Variants in WWOX observed in about 807,000 individuals in gnomAD.
The protein encoded by WWOX is WW domain-containing oxidoreductase.
In WWOX, 69 loss-of-function variants were observed where a neutral mutation model predicts 46.2. That is an observed-to-expected ratio of 1.49 (90% CI 1.23 to 1.82). The LOEUF (loss-of-function observed/expected upper bound fraction) is 1.82, where lower values mean the gene tolerates loss of function less well. Among genes scored for constraint, WWOX ranks in the 40% most tolerant of loss-of-function variants. The pLI, the probability that WWOX is intolerant of heterozygous loss-of-function variation, is 0.00. For synonymous variants in WWOX, 359 were observed against 202.6 expected (o/e 1.77, Z -6.56); for missense variants, 919 against 542.6 (o/e 1.69, Z -6.89).
At chr16:78,563,738 T>C (rs1380887423) in intron 8 of WWOX, among the ~76,000 whole-genome samples, 1 of 152,102 alleles carries the variant, frequency 6.6e-6, no homozygotes, top group Non-Finnish European at 1.5e-5. Context: ...TTGGCAGATA[T>C]TAAGTCCACA....
intron 8 of WWOX, among the ~76,000 whole-genome samples, chr16:79,048,309 A>G (rs549835023): frequency 6.6e-6 from 1 of 152,034 alleles, no homozygotes; most frequent in South Asian, 2.1e-4. Flanking sequence ...ATGGAAGCCC[A>G]GGGGCCCCAG....
chr16:78,937,881 C>G (rs1243854018), intron 8 of WWOX, among the ~76,000 whole-genome samples: 2 of 152,134 alleles, frequency 1.3e-5, no homozygotes, highest in African/African-American at 2.4e-5. Context: ...ACCTGCTTCT[C>G]TCTCCCAAAG....
intron 8 of WWOX, chr16:78,895,693 T>C (rs946851534): frequency 1.3e-5 from 2 of 152,226 alleles, no homozygotes; most frequent in Admixed American, 1.3e-4. Context: ...ATCTTGCCCA[T>C]TGATCTTCAA....
At chr16:78,861,655 AG>A in intron 8 of WWOX, among the ~76,000 whole-genome samples, 1 of 152,350 alleles carries the variant, frequency 6.6e-6, no homozygotes, top group East Asian at 1.9e-4. Context: ...CATGAAGTGA[AG>A]GCCCATTTTT....
chr16:78,436,423 A>G (rs1158405235), intron 8 of WWOX, among the ~76,000 whole-genome samples: 1 of 152,208 alleles, frequency 6.6e-6, no homozygotes, highest in Non-Finnish European at 1.5e-5. Flanking sequence ...TGATTAGAAA[A>G]TAGCAGCTTT....
intron 5 of WWOX, among the ~76,000 whole-genome samples, chr16:78,299,748 C>G (rs182256398): frequency 1.3e-5 from 2 of 152,004 alleles, no homozygotes; most frequent in Non-Finnish European, 2.9e-5. Context: ...AGGCTGTTCT[C>G]GAACTCCTGG....
intron 8 of WWOX, among the ~76,000 whole-genome samples, chr16:79,099,326 T>C (rs185671652): frequency 6.6e-6 from 1 of 152,308 alleles, no homozygotes; most frequent in East Asian, 1.9e-4. Flanking sequence ...GACTATGATA[T>C]ATCTTTCACA....
At chr16:78,382,481 CTAAT>C (rs1373951194) in intron 5 of WWOX, among the ~76,000 whole-genome samples, 1 of 152,140 alleles carries the variant, frequency 6.6e-6, no homozygotes, top group African/African-American at 2.4e-5. Flanking sequence ...CTGGGTTATT[CTAAT>C]TAATGGAGAT....
At chr16:78,904,929 C>G (rs567250467) in intron 8 of WWOX, among the ~76,000 whole-genome samples, 5 of 152,148 alleles carry the variant, frequency 3.3e-5, no homozygotes, top group Non-Finnish European at 7.4e-5. Flanking sequence ...CCAGTTGGTG[C>G]CCCTGTTGGT....
At chr16:78,557,689 ATTTTTTTTT>A (rs34068363) in intron 8 of WWOX, among the ~76,000 whole-genome samples, 6 of 96,648 alleles carry the variant, frequency 6.2e-5, no homozygotes, top group Admixed American at 4.5e-4. Flanking sequence ...CTAGGGAAGG[ATTTTTTTTT>A]TTTTTTTTTT....
rs538998868 is a variant in WWOX, at chr16:78,713,110, C to T, written c.1056+280358C>T. ...CATAGGGAGACCCTCATCTCTACAC[C>T]GAATTTAAAAACTTAGCTGGGCATG... On this transcript the variant is annotated intron_variant, in intron 8 of 8. Transcript: ENST00000566780. 9.9e-4 allele frequency among the ~76,000 whole-genome samples: 149 copies of T among 151,252 alleles called. 1 individual carries two copies. The highest frequency in any genetic ancestry group is 3.1e-3 in the African/African-American group (128 of 41,228).
intron 8 of WWOX, among the ~76,000 whole-genome samples, chr16:78,888,932 T>C (rs970026887): frequency 3.3e-5 from 5 of 150,798 alleles, no homozygotes; most frequent in Non-Finnish European, 7.4e-5. Context: ...TTCTCCTTTT[T>C]CCCCAAGCCC....
chr16:78,989,859 TGAGA>T lies in WWOX; in HGVS notation c.1057-221738_1057-221735del, dbSNP rs549582942. ...GTGTGTGTGTGTGTGTGTGTGTGAT[TGAGA>T]GAGAGAGAGACAGATGGAGGGAAAG... On this transcript the variant is annotated intron_variant, in intron 8 of 8. Coordinates refer to ENST00000566780, the MANE Select transcript of WWOX (RefSeq NM_016373.4). Among the ~76,000 whole-genome samples the T allele has an allele frequency of 4.1e-3, 584 of 144,016 alleles. 6 individuals are homozygous for T. Among genetic ancestry groups the T allele is most frequent in the African/African-American group, 0.013 (518 of 38,856 alleles). The allele number at this position is 144,016 out of a possible 152,430, so 94.5% of individuals were successfully genotyped here.
chr16:78,360,708 TA>T (rs1225726225), intron 5 of WWOX, among the ~76,000 whole-genome samples: 55 of 44,086 alleles, frequency 1.2e-3, no homozygotes, highest in African/African-American at 1.8e-3. Flanking sequence ...TGGTGCTAAA[TA>T]TTAACTATAC....
intron 8 of WWOX, among the ~76,000 whole-genome samples, chr16:78,601,237 C>A (rs2045614817): frequency 6.6e-6 from 1 of 152,176 alleles, no homozygotes; most frequent in Admixed American, 6.5e-5. Flanking sequence ...TTATTTTACT[C>A]ACCCAGAAGG....
At chr16:78,886,457 A>G (rs1234602677) in intron 8 of WWOX, among the ~76,000 whole-genome samples, 2 of 151,732 alleles carry the variant, frequency 1.3e-5, no homozygotes, top group African/African-American at 2.4e-5. Context: ...TTTGCTCCCA[A>G]TTTTAAATAA....
At chr16:79,169,339 C>T (rs1036469519) in intron 8 of WWOX, among the ~76,000 whole-genome samples, 2 of 152,166 alleles carry the variant, frequency 1.3e-5, no homozygotes, top group African/African-American at 4.8e-5. Context: ...CCCAGAGGGC[C>T]ATGACTGCAT....
chr16:78,654,331 A>G (rs181403918), intron 8 of WWOX, among the ~76,000 whole-genome samples: 1 of 152,334 alleles, frequency 6.6e-6, no homozygotes, highest in Admixed American at 6.5e-5. Flanking sequence ...ATAATCTTAC[A>G]ATCATCATCG....
chr16:78,667,196 T>C (rs995285470), intron 8 of WWOX, among the ~76,000 whole-genome samples: 1 of 152,220 alleles, frequency 6.6e-6, no homozygotes, highest in African/African-American at 2.4e-5. Context: ...TGGGTGAACA[T>C]GTCTGCAACT....
Sources: allele counts gnomAD v4.1 joint callset (sites outside exome capture counted in the v4.1 genomes callset), GRCh38; gene constraint gnomAD v4.1.1; transcripts MANE v1.5; gene names NCBI Gene and HGNC (gene_info 2026-07-23, HGNC 2026-07-21).